The following IMMP2L variants were observed in gnomAD, a reference collection of about 807,000 sequenced individuals.
IMMP2L encodes mitochondrial inner membrane protease subunit 2.
In IMMP2L, 18 loss-of-function variants were observed where a neutral mutation model predicts 19.3. The ratio of observed to expected loss-of-function variants is 0.93; its 90% CI spans 0.64 to 1.38. The LOEUF is 1.38. Among genes scored for constraint, IMMP2L ranks in the 40% most tolerant of loss-of-function variants. The pLI, the probability that IMMP2L is intolerant of heterozygous loss-of-function variation, is 0.00. For synonymous variants in IMMP2L, 76 were observed against 73.0 expected, an observed-to-expected ratio of 1.04 and a Z score of -0.21; for missense variants, 233 against 218.2, an observed-to-expected ratio of 1.07 and a Z score of -0.43.
chr7:111,309,706 GACA>G (rs1410185728), intron 3 of IMMP2L, among the ~76,000 whole-genome samples: 1 of 152,026 alleles, frequency 6.6e-6, no homozygotes, highest in Non-Finnish European at 1.5e-5. Context: ...TAAGAATGCA[GACA>G]ACAAATCACA....
At chr7:111,520,945 T>G (rs1481219495) in intron 2 of IMMP2L, among the ~76,000 whole-genome samples, 1 of 152,144 alleles carries the variant, frequency 6.6e-6, no homozygotes. Context: ...GAGCAACTGA[T>G]TGTGACTCAA....
chr7:111,251,686 T>C (rs1296266252), intron 3 of IMMP2L, among the ~76,000 whole-genome samples: 6 of 152,028 alleles, frequency 3.9e-5, no homozygotes, highest in Admixed American at 1.3e-4. Context: ...AAATGGGAGC[T>C]GAATGATGAG....
chr7:111,108,910 A>G (rs982132735), intron 3 of IMMP2L, among the ~76,000 whole-genome samples: 6 of 152,194 alleles, frequency 3.9e-5, no homozygotes, highest in African/African-American at 9.6e-5. Context: ...ATTGAACAAC[A>G]ATAGCAGGCA....
chr7:111,528,819 T>G (rs1399029613), intron 1 of IMMP2L, among the ~76,000 whole-genome samples: 1 of 152,124 alleles, frequency 6.6e-6, no homozygotes, highest in Non-Finnish European at 1.5e-5. Flanking sequence ...TTATGTAAAA[T>G]GTAACCTTTC....
At chr7:110,753,912 A>T (rs1198736410) in intron 5 of IMMP2L, among the ~76,000 whole-genome samples, 1 of 151,978 alleles carries the variant, frequency 6.6e-6, no homozygotes, top group Non-Finnish European at 1.5e-5. Context: ...AGAAGGACAA[A>T]TGGGGGCCCA....
chr7:110,968,823 C>G (rs1200502133), intron 3 of IMMP2L, among the ~76,000 whole-genome samples: 1 of 152,032 alleles, frequency 6.6e-6, no homozygotes, highest in East Asian at 1.9e-4. Context: ...AGAGAAAACG[C>G]ATAAAAGGTC....
At chr7:110,989,701 A>T (rs1444217505) in intron 3 of IMMP2L, among the ~76,000 whole-genome samples, 8 of 151,204 alleles carry the variant, frequency 5.3e-5, no homozygotes, top group Non-Finnish European at 5.9e-5. Context: ...ATATACACCA[A>T]TGACAAAATT....
intron 5 of IMMP2L, among the ~76,000 whole-genome samples, chr7:110,713,552 T>G (rs139391482): frequency 1.4e-4 from 22 of 152,288 alleles, no homozygotes; most frequent in African/African-American, 4.6e-4. Flanking sequence ...GCATAGGATG[T>G]TTTTCCATTT....
In IMMP2L at chr7:111,114,021, T is replaced by C. The variant is rs367631657; in HGVS notation, c.240-150456A>G. On this transcript the variant is annotated intron_variant, in intron 3 of 5. Coordinates refer to ENST00000405709, the MANE Select transcript of IMMP2L (RefSeq NM_032549.4). ...TTAAATCCCTCTAAATATCTATTGA[T>C]AGAAATAAAGAGTGGACAAAATGGG... Among the ~76,000 whole-genome samples, 18 of 152,232 alleles carry C rather than the reference T, an allele frequency of 1.2e-4. No individual in the cohort carries two copies. The East Asian group carries it at 2.5e-3, about 21-fold the overall frequency.
chr7:111,538,935 C>T (rs894606649), intron 1 of IMMP2L, among the ~76,000 whole-genome samples: 6 of 150,312 alleles, frequency 4.0e-5, no homozygotes, highest in African/African-American at 1.5e-4. Flanking sequence ...GCCTGGCCAA[C>T]ATGGTGAAAC....
At position 111,266,562 on chromosome 7, in the gene IMMP2L, A is replaced by T. The variant is rs907101817; in HGVS notation, c.239+220676T>A. Among the ~76,000 whole-genome samples the T allele has an allele frequency of 2.7e-5, 4 of 149,736 alleles. No individual in the cohort carries two copies. In the South Asian group the frequency reaches 6.3e-4, roughly 24 times the overall value. On this transcript the variant is annotated intron_variant, in intron 3 of 5. Coordinates refer to ENST00000405709, the MANE Select transcript of IMMP2L (RefSeq NM_032549.4). ...TGTCTCCCAAAAAAAAAAAAAAAAAAGGGATCTAGGTTCTATCTCCAGCTC... is the reference window on the plus strand; with the variant it reads ...TGTCTCCCAAAAAAAAAAAAAAAAATGGGATCTAGGTTCTATCTCCAGCTC...
chr7:111,316,218 A>C (rs1328632156), intron 3 of IMMP2L, among the ~76,000 whole-genome samples: 10 of 152,174 alleles, frequency 6.6e-5, no homozygotes, highest in African/African-American at 2.4e-4. Flanking sequence ...GAGAGTAGAC[A>C]GGAATTACAA....
At chr7:110,762,139 C>T (rs1460784371) in intron 5 of IMMP2L, among the ~76,000 whole-genome samples, 1 of 152,216 alleles carries the variant, frequency 6.6e-6, no homozygotes, top group South Asian at 2.1e-4. Flanking sequence ...CAACTTATTA[C>T]ATTTGCCTCC....
chr7:111,221,658 T>C lies in IMMP2L; in HGVS notation c.240-258093A>G, dbSNP rs537779064. ...AATGAAAAGTAATTCCATGTTCACA[T>C]GTGGGAAAAAAATATAAATACAGCA... On this transcript the variant is annotated intron_variant, in intron 3 of 5. Transcript: ENST00000405709. Among the ~76,000 whole-genome samples, 657 of 152,072 alleles carry C rather than the reference T, an allele frequency of 4.3e-3. 5 individuals are homozygous for C. The highest frequency in any genetic ancestry group is 0.015 in the African/African-American group (636 of 41,514).
At chr7:111,081,862 G>C (rs1484998155) in intron 3 of IMMP2L, among the ~76,000 whole-genome samples, 1 of 152,132 alleles carries the variant, frequency 6.6e-6, no homozygotes, top group African/African-American at 2.4e-5. Flanking sequence ...GGATGATAAA[G>C]AATATACTGT....
intron 2 of IMMP2L, among the ~76,000 whole-genome samples, chr7:111,520,620 C>T (rs1286326722): frequency 6.6e-6 from 1 of 152,078 alleles, no homozygotes; most frequent in East Asian, 1.9e-4. Context: ...CTATTTACCA[C>T]AACGCATGAA....
intron 3 of IMMP2L, among the ~76,000 whole-genome samples, chr7:110,968,848 T>A (rs770744493): frequency 6.6e-6 from 1 of 152,072 alleles, no homozygotes; most frequent in African/African-American, 2.4e-5. Flanking sequence ...AGGAATTCTA[T>A]CACATCGTAG....
chr7:110,776,666 A>C (rs1799408593), intron 5 of IMMP2L, among the ~76,000 whole-genome samples: 1 of 151,992 alleles, frequency 6.6e-6, no homozygotes, highest in Admixed American at 6.6e-5. Flanking sequence ...TTCAGATTAT[A>C]ACTTGTTTTC....
intron 3 of IMMP2L, among the ~76,000 whole-genome samples, chr7:111,290,331 G>C (rs1193921758): frequency 6.6e-6 from 1 of 151,822 alleles, no homozygotes; most frequent in Non-Finnish European, 1.5e-5. Flanking sequence ...CATAATATGA[G>C]GAATAAGAAA....
Sources: allele counts gnomAD v4.1 joint callset (sites outside exome capture counted in the v4.1 genomes callset), GRCh38; gene constraint gnomAD v4.1.1; transcripts MANE v1.5; gene names NCBI Gene and HGNC (gene_info 2026-07-23, HGNC 2026-07-21).